Variants in RARB observed in about 807,000 individuals in gnomAD.
RARB encodes the protein HBV-activated protein.
A neutral mutation model predicts 51.9 loss-of-function variants in RARB; 17 were observed. That is an observed-to-expected ratio of 0.33 (90% CI 0.22 to 0.49). The LOEUF is 0.49. Ranked by LOEUF, RARB falls within the 20% of genes least tolerant of loss-of-function variation. The pLI is 0.99. For missense variants in RARB, 369 were observed against 550.8 expected, an observed-to-expected ratio of 0.67 and a Z score of 3.30; for synonymous variants, 215 against 195.4, an observed-to-expected ratio of 1.10 and a Z score of -0.84.
At chr3:25,075,712 C>T (rs994755782) in intron 3 of RARB, among the ~76,000 whole-genome samples, 1 of 150,714 alleles carries the variant, frequency 6.6e-6, no homozygotes, top group Non-Finnish European at 1.5e-5. Context: ...ATGACTATGA[C>T]ATTTGTTGGA....
rs1047663000 is a variant in RARB at position 24,880,024 on chromosome 3, A to G, written c.-380+21272A>G. 5.9e-5 allele frequency among the ~76,000 whole-genome samples: 9 copies of G among 152,154 alleles called. No homozygotes were observed. In the South Asian group the frequency reaches 1.0e-3, roughly 17 times the overall value. ...CCTAATAGTCAAAGACATAAACAAG[A>G]TAAGGAGCTCCCCTTAGCTCTACGT... On this transcript the variant is annotated intron_variant, in intron 2 of 11. Transcript: ENST00000383772.
At chr3:25,324,848 G>A (rs17016201) in intron 5 of RARB, among the ~76,000 whole-genome samples, 2,400 of 152,164 alleles carry the variant, frequency 0.016, 60 homozygotes, top group African/African-American at 0.051. Context: ...TGACAGTTCC[G>A]GCCTTCCCAA....
chr3:25,029,117 G>C (rs4458331), intron 2 of RARB, among the ~76,000 whole-genome samples: 126,134 of 152,014 alleles, frequency 0.83, 52,660 homozygotes, highest in Non-Finnish European at 0.88. Context: ...TTCAACTTCA[G>C]TTCAGGACCA....
At chr3:24,898,647 A>G (rs966508030) in intron 2 of RARB, among the ~76,000 whole-genome samples, 5 of 152,204 alleles carry the variant, frequency 3.3e-5, no homozygotes, top group Admixed American at 2.0e-4. Flanking sequence ...TCTATTTTAT[A>G]TATCAATTGT....
chr3:25,156,108 A>T (rs1681128256), intron 4 of RARB, among the ~76,000 whole-genome samples: 1 of 152,194 alleles, frequency 6.6e-6, no homozygotes, highest in African/African-American at 2.4e-5. Context: ...CAGCCACATC[A>T]GCATCAATAG....
intron 2 of RARB, among the ~76,000 whole-genome samples, chr3:24,908,828 G>C (rs888072438): frequency 1.3e-5 from 2 of 151,956 alleles, no homozygotes; most frequent in African/African-American, 4.8e-5. Flanking sequence ...TAGACTCACT[G>C]CTATTTGAGT....
At chr3:24,998,490 C>T (rs779107111) in intron 2 of RARB, among the ~76,000 whole-genome samples, 3 of 150,624 alleles carry the variant, frequency 2.0e-5, no homozygotes, top group Non-Finnish European at 4.4e-5. Flanking sequence ...TCCTTGCTGC[C>T]TTAAAAAAAA....
chr3:25,297,675 T>C (rs1164477872), intron 5 of RARB, among the ~76,000 whole-genome samples: 1 of 152,156 alleles, frequency 6.6e-6, no homozygotes, highest in Non-Finnish European at 1.5e-5. Context: ...ATTTTTTCTT[T>C]TTGTTTTCTC....
intron 5 of RARB, among the ~76,000 whole-genome samples, chr3:25,414,191 T>A (rs1707641449): frequency 6.6e-6 from 1 of 152,238 alleles, no homozygotes. Flanking sequence ...ATTGTATCCA[T>A]CTTCTTTCAC....
chr3:25,042,646 T>G (rs1698135964), intron 2 of RARB, among the ~76,000 whole-genome samples: 1 of 152,208 alleles, frequency 6.6e-6, no homozygotes, highest in African/African-American at 2.4e-5. Flanking sequence ...TTGTGCCACT[T>G]GATGGGCACT....
chr3:25,456,928 G>A (rs973688050), intron 1 of RARB, among the ~76,000 whole-genome samples: 19 of 151,830 alleles, frequency 1.3e-4, no homozygotes, highest in African/African-American at 4.6e-4. Flanking sequence ...ACTTCCTCTT[G>A]GAAGGCTCCC....
chr3:24,982,727 G>T (rs1696704437), intron 2 of RARB, among the ~76,000 whole-genome samples: 1 of 152,154 alleles, frequency 6.6e-6, no homozygotes, highest in African/African-American at 2.4e-5. Flanking sequence ...TCCTCTGTCA[G>T]TGGCTCCTAA....
intron 2 of RARB, among the ~76,000 whole-genome samples, chr3:25,058,023 A>G (rs559507505): frequency 2.0e-5 from 3 of 152,072 alleles, no homozygotes; most frequent in Admixed American, 6.6e-5. Flanking sequence ...TGAATTATGT[A>G]CTGCACTTCC....
At chr3:25,467,021 C>T (rs1423338440) in intron 2 of RARB, among the ~76,000 whole-genome samples, 1 of 152,194 alleles carries the variant, frequency 6.6e-6, no homozygotes, top group East Asian at 1.9e-4. Context: ...TTCCACACTG[C>T]TAAAAGAAGT....
chr3:24,957,999 G>T (rs1696054496), intron 2 of RARB, among the ~76,000 whole-genome samples: 1 of 152,254 alleles, frequency 6.6e-6, no homozygotes, highest in African/African-American at 2.4e-5. Flanking sequence ...TAATTTAATT[G>T]TAAGTTGATA....
Position 25,483,527 on chromosome 3 carries a change from C to CT in RARB, c.307-17635dup, listed in dbSNP as rs199602182. The stretch of plus-strand genomic sequence containing the variant: ...CATAAATTTTAAAATCATATTTCTT[C>CT]TTTTTTTTTTTTTTTTTTTTCACTC... On this transcript the variant is annotated intron_variant, in intron 2 of 7. Transcript: ENST00000330688. Among the ~76,000 whole-genome samples, 449 of 113,648 alleles carry CT rather than the reference C, an allele frequency of 4.0e-3. 3 individuals are homozygous for CT. Among genetic ancestry groups the CT allele is most frequent in the African/African-American group, 6.9e-3 (221 of 32,060 alleles). The allele number at this position is 113,648 out of a possible 152,430, so 74.6% of individuals were successfully genotyped here.
chr3:25,351,324 G>T (rs1336105567), intron 5 of RARB, among the ~76,000 whole-genome samples: 1 of 150,778 alleles, frequency 6.6e-6, no homozygotes, highest in South Asian at 2.1e-4. Flanking sequence ...TTTTTCTATA[G>T]CATCCCTTTG....
At chr3:25,440,294 G>A (rs1365556894) in intron 1 of RARB, among the ~76,000 whole-genome samples, 1 of 151,584 alleles carries the variant, frequency 6.6e-6, no homozygotes. Context: ...TCTACAAAAA[G>A]AATTATGTGG....
chr3:25,080,946 T>G (rs1698981994), intron 3 of RARB, among the ~76,000 whole-genome samples: 2 of 152,076 alleles, frequency 1.3e-5, no homozygotes, highest in South Asian at 4.1e-4. Context: ...TAAAAAACTT[T>G]TGATTTTGTT....
Sources: gnomAD v4.1 joint callset for allele counts (sites outside exome capture counted in the v4.1 genomes callset) on GRCh38, gnomAD v4.1.1 for gene constraint, MANE v1.5 for transcripts, NCBI Gene and HGNC (gene_info 2026-07-23, HGNC 2026-07-21) for gene names.